Variants in CCDC7 observed in about 807,000 individuals in gnomAD.
CCDC7 encodes the protein coiled-coil domain-containing protein 7.
CCDC7 carries 183 observed loss-of-function variants against 196.9 expected under a neutral mutation model. The ratio of observed to expected loss-of-function variants is 0.93; its 90% CI spans 0.82 to 1.05. The LOEUF is 1.05. CCDC7 is among the 50% of genes least tolerant of loss of function. The pLI is 0.00. For missense variants in CCDC7, 1,540 were observed against 1,482.2 expected (o/e 1.04, Z -0.64); for synonymous variants, 525 against 484.6 (o/e 1.08, Z -1.10).
At chr10:32,670,427 C>T (rs1287950560) in intron 21 of CCDC7, among the ~76,000 whole-genome samples, 3 of 151,404 alleles carry the variant, frequency 2.0e-5, no homozygotes, top group Non-Finnish European at 2.9e-5. Context: ...TTTTAGGGTA[C>T]ATGTGCACAA....
At chr10:32,858,685 A>G (rs2093853572) in intron 41 of CCDC7, among the ~76,000 whole-genome samples, 1 of 152,038 alleles carries the variant, frequency 6.6e-6, no homozygotes. Context: ...CCTCAACATA[A>G]CAGAGGCCAT....
chr10:32,845,466 AATT>A, intron 34 of CCDC7, 74 bp from the exon 36 acceptor site: 1 of 1,335,114 alleles, frequency 7.5e-7, no homozygotes. Flanking sequence ...ATCCTCCTAT[AATT>A]AAACACAAAA....
intron 11 of CCDC7, among the ~76,000 whole-genome samples, chr10:32,540,179 C>A (rs1215730894): frequency 6.6e-6 from 1 of 152,050 alleles, no homozygotes; most frequent in Non-Finnish European, 1.5e-5. Context: ...AACTTGCTTA[C>A]CCTGGGTATC....
chr10:32,795,457 T>C (rs2083402876), intron 29 of CCDC7, among the ~76,000 whole-genome samples: 1 of 152,218 alleles, frequency 6.6e-6, no homozygotes, highest in African/African-American at 2.4e-5. Flanking sequence ...TGTGATAGAT[T>C]TCTGAATTGC....
intron 28 of CCDC7, among the ~76,000 whole-genome samples, chr10:32,754,302 C>G (rs1312076080): frequency 6.6e-6 from 1 of 151,870 alleles, no homozygotes; most frequent in Non-Finnish European, 1.5e-5. Context: ...GAAAAGAGCA[C>G]AAAAATAATA....
At chr10:32,835,957 A>C (rs1297380115) in intron 33 of CCDC7, among the ~76,000 whole-genome samples, 2 of 152,136 alleles carry the variant, frequency 1.3e-5, no homozygotes, top group Non-Finnish European at 2.9e-5. Flanking sequence ...TAAGAAGAGG[A>C]GTATAACAGT....
At chr10:32,719,512 A>T (rs1312020668) in intron 25 of CCDC7, among the ~76,000 whole-genome samples, 1 of 152,264 alleles carries the variant, frequency 6.6e-6, no homozygotes, top group Non-Finnish European at 1.5e-5. Context: ...ATAAAAGCCA[A>T]AATTGACAAA....
chr10:32,541,133 C>T (rs1465679923), intron 11 of CCDC7, among the ~76,000 whole-genome samples: 4 of 151,792 alleles, frequency 2.6e-5, no homozygotes, highest in African/African-American at 9.7e-5. Context: ...AGTTGCTCGC[C>T]CTGCCTTCTG....
chr10:32,590,123 G>A (rs2059651191), intron 18 of CCDC7, among the ~76,000 whole-genome samples: 4 of 151,534 alleles, frequency 2.6e-5, no homozygotes. Flanking sequence ...GTTGTTTTGT[G>A]GTCTTCTCTT....
chr10:32,633,738 ATG>A (rs151327256), intron 18 of CCDC7, among the ~76,000 whole-genome samples: 2 of 130,750 alleles, frequency 1.5e-5, no homozygotes, highest in Admixed American at 8.1e-5. Context: ...GTGTATATAT[ATG>A]TGTGTGTGTG....
chr10:32,497,066 A>G (rs1191992988), intron 9 of CCDC7, among the ~76,000 whole-genome samples: 1 of 152,130 alleles, frequency 6.6e-6, no homozygotes, highest in Non-Finnish European at 1.5e-5. Flanking sequence ...CCTCCATTTC[A>G]GAACTTGTAA....
At chr10:32,834,150 T>C (rs1253262191) in intron 32 of CCDC7, among the ~76,000 whole-genome samples, 1 of 152,106 alleles carries the variant, frequency 6.6e-6, no homozygotes, top group Admixed American at 6.6e-5. Context: ...AAATTACCCA[T>C]TTCTTCCTCA....
chr10:32,745,660 G>T (rs760162479), intron 28 of CCDC7, among the ~76,000 whole-genome samples: 1 of 152,118 alleles, frequency 6.6e-6, no homozygotes, highest in Non-Finnish European at 1.5e-5. Flanking sequence ...GTTTCTACAT[G>T]ACCTTTGGAG....
chr10:32,694,386 T>C (rs1033919284), intron 23 of CCDC7, among the ~76,000 whole-genome samples: 2 of 152,244 alleles, frequency 1.3e-5, no homozygotes, highest in Non-Finnish European at 2.9e-5. Flanking sequence ...TTATGTCAAT[T>C]TGCCTACGGC....
intron 13 of CCDC7, among the ~76,000 whole-genome samples, chr10:32,556,728 A>T (rs2054413814): frequency 6.6e-6 from 1 of 152,182 alleles, no homozygotes; most frequent in Non-Finnish European, 1.5e-5. Context: ...TTAAGTTAAA[A>T]AAGTCATGTT....
At chr10:32,681,102 C>T (rs1484570498) in intron 21 of CCDC7, among the ~76,000 whole-genome samples, 1 of 152,174 alleles carries the variant, frequency 6.6e-6, no homozygotes, top group East Asian at 1.9e-4. Flanking sequence ...TTCAAGAAAG[C>T]CTTTGCTCAG....
intron 11 of CCDC7, among the ~76,000 whole-genome samples, chr10:32,527,364 A>G (rs182744956): frequency 2.4e-4 from 36 of 152,274 alleles, no homozygotes; most frequent in African/African-American, 8.4e-4. Flanking sequence ...TATGAAGTTA[A>G]AACGAGGAAC....
At chr10:32,634,924 G>T (rs758154360) in intron 19 of CCDC7, 133 bp from the exon 21 acceptor site, 2 of 392,230 alleles carry the variant, frequency 5.1e-6, no homozygotes, top group African/African-American at 4.1e-5. Context: ...TCGCATCCAC[G>T]GTCTATTTTA....
chr10:32,690,313 G>A (rs2076938436), intron 23 of CCDC7, among the ~76,000 whole-genome samples: 2 of 152,160 alleles, frequency 1.3e-5, no homozygotes, highest in Admixed American at 1.3e-4. Flanking sequence ...AGGTCATTAT[G>A]CATTGATGAC....
Sources: gnomAD v4.1 joint callset for allele counts (sites outside exome capture counted in the v4.1 genomes callset) on GRCh38, gnomAD v4.1.1 for gene constraint, MANE v1.5 for transcripts, NCBI Gene and HGNC (gene_info 2026-07-23, HGNC 2026-07-21) for gene names.